The following MSANTD2 variants were observed in gnomAD, a reference collection of about 807,000 sequenced individuals.
MSANTD2 encodes the protein Myb/SANT DNA binding domain containing 2, also known as myb/SANT-like DNA-binding domain-containing protein 2.
In MSANTD2, 19 loss-of-function variants were observed where a neutral mutation model predicts 52.6. The observed-to-expected ratio is 0.36, with a 90% CI of 0.25 to 0.53. MSANTD2 has a LOEUF of 0.53. Among genes scored for constraint, MSANTD2 ranks in the 20% least tolerant of loss-of-function variants. MSANTD2 has a pLI of 0.91. For synonymous variants in MSANTD2, 291 were observed against 289.7 expected, an observed-to-expected ratio of 1.00 and a Z score of -0.04; for missense variants, 558 against 716.3, an observed-to-expected ratio of 0.78 and a Z score of 2.52.
chr11:124,799,681 C>T (rs751295197), intron 1 of MSANTD2, among the ~76,000 whole-genome samples, 190 bp downstream of exon 1: 1 of 152,230 alleles, frequency 6.6e-6, no homozygotes, highest in Non-Finnish European at 1.5e-5. Flanking sequence ...ACTCAGGAAA[C>T]CTACGGGCTG....
At chr11:124,776,587 A>G (rs1944755012) in intron 1 of MSANTD2, among the ~76,000 whole-genome samples, 1 of 152,232 alleles carries the variant, frequency 6.6e-6, no homozygotes, top group South Asian at 2.1e-4. Context: ...GTGAGCCACC[A>G]CACCCAGCCA....
At chr11:124,780,268 C>T (rs1309100388) in intron 1 of MSANTD2, among the ~76,000 whole-genome samples, 1 of 152,250 alleles carries the variant, frequency 6.6e-6, no homozygotes, top group Admixed American at 6.5e-5. Flanking sequence ...TTACTTAAGG[C>T]AAAATCCATC....
chr11:124,799,238 C>G (rs1229359050), intron 1 of MSANTD2, among the ~76,000 whole-genome samples: 1 of 152,226 alleles, frequency 6.6e-6, no homozygotes, highest in Non-Finnish European at 1.5e-5. Context: ...GCCAAGCTAA[C>G]TTTTATGGTG....
Position 124,774,795 on chromosome 11 carries a change from A to G in MSANTD2, c.690T>C (p.Thr230=). ...AGTCCTCCTGTGAATAGTCCTCCATAGTGCTGCCATCTGACTCCAGCTCCT... is the reference window on the plus strand; with the variant it reads ...AGTCCTCCTGTGAATAGTCCTCCATGGTGCTGCCATCTGACTCCAGCTCCT... ...LYQELESDGS[T]MEDYSQEDWG... The change falls in exon 2 of 4, where the codon ACT becomes ACC. Residue 230 remains threonine (T), a synonymous_variant. Coordinates refer to ENST00000374979, the MANE Select transcript of MSANTD2 (RefSeq NM_001308027.2). The surrounding 1 kb of genome is among the most constrained non-coding windows in gnomAD (Gnocchi z 5.1). The G allele has an allele frequency of 6.2e-7, 1 of 1,614,174 alleles. No homozygotes were observed. Among genetic ancestry groups the G allele is most frequent in the Non-Finnish European group, 8.5e-7 (1 of 1,180,026 alleles).
chr11:124,787,989 G>A (rs1364414228), intron 1 of MSANTD2, among the ~76,000 whole-genome samples: 1 of 151,802 alleles, frequency 6.6e-6, no homozygotes, highest in Non-Finnish European at 1.5e-5. Flanking sequence ...CAGCTACCAG[G>A]AGGCTGAGGT....
intron 1 of MSANTD2, chr11:124,791,829 C>T (rs983338381): frequency 1.0e-5 from 5 of 496,218 alleles, no homozygotes; most frequent in Non-Finnish European, 1.9e-5. Flanking sequence ...GTGTTAGGTG[C>T]ATTCACTGTG....
At chr11:124,796,728 TAAG>T (rs377195491) in intron 1 of MSANTD2, among the ~76,000 whole-genome samples, 261 of 152,382 alleles carry the variant, frequency 1.7e-3, no homozygotes, top group African/African-American at 6.0e-3. Flanking sequence ...TTAGTCTGCG[TAAG>T]AAGTTCCTCC....
chr11:124,782,434 AGAGT>A (rs1252683345), intron 1 of MSANTD2, among the ~76,000 whole-genome samples: 3 of 152,206 alleles, frequency 2.0e-5, no homozygotes, highest in Non-Finnish European at 4.4e-5. Context: ...CTTGGGCAAC[AGAGT>A]GAGACCCCTG....
rs185250710 is a variant in MSANTD2 at position 124,798,077 on chromosome 11, C to T, written c.510+1794G>A. ...AACTCAAGAAGAGGTCATGGATAGA[C>T]GCTAGCCAAGACAGTACAAAAAGTC... On this transcript the variant is annotated intron_variant, in intron 1 of 3. Coordinates refer to ENST00000374979, the MANE Select transcript of MSANTD2 (RefSeq NM_001308027.2). Among the ~76,000 whole-genome samples, 3 of 151,992 alleles carry T rather than the reference C, an allele frequency of 2.0e-5. No homozygotes were observed. The East Asian group carries it at 5.8e-4, about 29-fold the overall frequency.
chr11:124,774,027 C>A lies in MSANTD2; in HGVS notation c.766+692G>T, dbSNP rs1944642090. 6.6e-6 allele frequency among the ~76,000 whole-genome samples: 1 copy of A among 152,188 alleles called. No individual in the cohort carries two copies. The highest frequency in any genetic ancestry group is 1.5e-5 in the Non-Finnish European group (1 of 68,034). On this transcript the variant is annotated intron_variant, in intron 2 of 3. Coordinates refer to ENST00000374979, the MANE Select transcript of MSANTD2 (RefSeq NM_001308027.2). This position sits in a 1 kb window ranked among gnomAD's most constrained non-coding sequence, Gnocchi z 5.1. Reference sequence around the variant, plus strand: ...GAACAATCCCACAACTACATATATACTCTTAGTTAGGCCCTACAAGTTTAG... The same window carrying A: ...GAACAATCCCACAACTACATATATAATCTTAGTTAGGCCCTACAAGTTTAG...
At chr11:124,784,224 T>C in intron 1 of MSANTD2, 10 of 985,390 alleles carry the variant, frequency 1.0e-5, no homozygotes, top group Non-Finnish European at 1.2e-5. Context: ...TTTGACCTCC[T>C]ACATCACCTC....
In MSANTD2 at chr11:124,799,934, C is replaced by G; in HGVS notation, c.447G>C (p.Val149=). The G allele has an allele frequency of 1.9e-6, 3 of 1,585,894 alleles. No individual in the cohort carries two copies. The highest frequency in any genetic ancestry group is 2.6e-6 in the Non-Finnish European group (3 of 1,174,402). ...KAPGPAMYER[V]SRALAELGYE... ...AGCCCAGCTCGGCCAGGGCCCGGGACACGCGCTCGTACATGGCTGGCCCGG... is the reference window on the plus strand; with the variant it reads ...AGCCCAGCTCGGCCAGGGCCCGGGAGACGCGCTCGTACATGGCTGGCCCGG... The change falls in exon 1 of 4, where the codon GTG becomes GTC. Residue 149 remains valine (V), a synonymous_variant. Transcript: ENST00000374979.
chr11:124,789,480 T>C (rs1393459025), intron 1 of MSANTD2: 3 of 152,190 alleles, frequency 2.0e-5, no homozygotes, highest in Admixed American at 1.3e-4. Flanking sequence ...CCAAAATATA[T>C]AATTTATGAA....
At chr11:124,795,530 T>C (rs1404747516) in intron 1 of MSANTD2, among the ~76,000 whole-genome samples, 1 of 152,220 alleles carries the variant, frequency 6.6e-6, no homozygotes, top group Non-Finnish European at 1.5e-5. Flanking sequence ...ATCACACTTA[T>C]AGTCTGCTTT....
chr11:124,790,056 A>T (rs1444564738), intron 1 of MSANTD2: 2 of 152,272 alleles, frequency 1.3e-5, no homozygotes, highest in African/African-American at 4.8e-5. Context: ...TTTTAACATT[A>T]CACAGATACA....
At chr11:124,796,549 C>T (rs888241571) in intron 1 of MSANTD2, among the ~76,000 whole-genome samples, 2 of 152,090 alleles carry the variant, frequency 1.3e-5, no homozygotes, top group African/African-American at 2.4e-5. Context: ...TGAGCTCAAG[C>T]GATCCTCCCA....
chr11:124,769,563 T>C (rs1944425164), intron 3 of MSANTD2, among the ~76,000 whole-genome samples: 1 of 152,232 alleles, frequency 6.6e-6, no homozygotes, highest in Admixed American at 6.5e-5. Flanking sequence ...AATGTTTTAT[T>C]GATCTTACAG....
intron 1 of MSANTD2, among the ~76,000 whole-genome samples, chr11:124,798,956 A>G (rs1306552431): frequency 2.0e-5 from 3 of 152,224 alleles, no homozygotes; most frequent in East Asian, 1.9e-4. Flanking sequence ...TTATCTGCCA[A>G]TAATACAAAT....
chr11:124,786,936 TC>T (rs1945180524), intron 1 of MSANTD2, among the ~76,000 whole-genome samples: 1 of 152,202 alleles, frequency 6.6e-6, no homozygotes, highest in African/African-American at 2.4e-5. Context: ...GAGCATGGGT[TC>T]CAGAGAAACA....
Sources: gnomAD v4.1 joint callset for allele counts (sites outside exome capture counted in the v4.1 genomes callset) on GRCh38, gnomAD v4.1.1 for gene constraint, Gnocchi (gnomAD v3.1) non-coding constraint, MANE v1.5 for transcripts, NCBI Gene and HGNC (gene_info 2026-07-23, HGNC 2026-07-21) for gene names.